ZBTB44: variants seen among roughly 807,000 people sequenced by gnomAD.
The protein encoded by ZBTB44 is zinc finger and BTB domain containing 44, also known as zinc finger and BTB domain-containing protein 44.
In ZBTB44, 15 loss-of-function variants were observed where a neutral mutation model predicts 54.0. The observed-to-expected ratio is 0.28, with a 90% CI of 0.19 to 0.43. ZBTB44 has a LOEUF of 0.43. Among genes scored for constraint, ZBTB44 ranks in the 20% least tolerant of loss-of-function variants. The pLI is 1.00. For synonymous variants in ZBTB44, 230 were observed against 250.1 expected, an observed-to-expected ratio of 0.92 and a Z score of 0.76; for missense variants, 487 against 707.1, an observed-to-expected ratio of 0.69 and a Z score of 3.53.
Position 130,229,050 on chromosome 11 carries a change from G to A in ZBTB44, c.*2714C>T, listed in dbSNP as rs544970323. The A allele has an allele frequency of 5.3e-5, 8 of 152,094 alleles. No individual in the cohort carries two copies. The highest frequency in any genetic ancestry group is 1.2e-4 in the African/African-American group (5 of 41,476). 9.4% of individuals were successfully genotyped at this position (152,094 alleles called of 1,614,324 possible). A position where few individuals can be genotyped will look rare whatever the true frequency, so the allele number is the denominator to read the frequency against. On this transcript the variant is annotated 3_prime_UTR_variant, in exon 8 of 8. Transcript: ENST00000357899. The stretch of plus-strand genomic sequence containing the variant: ...AGAAACCTTGGTATTAGCTGAAGCC[G>A]GCCTGGGTCTTGCACAGTGGGGGTT...
intron 1 of ZBTB44, among the ~76,000 whole-genome samples, chr11:130,297,914 TA>T: frequency 6.6e-6 from 1 of 151,824 alleles, no homozygotes; most frequent in Non-Finnish European, 1.5e-5. Context: ...CATTCTCAAA[TA>T]TATGTTTTTT....
rs750040414 is a variant in ZBTB44, at chr11:130,239,815, T to C, written c.1100A>G (p.Asp367Gly). Residue 367 changes from aspartate (D) to glycine (G), a missense_variant, in exon 3 of 8, where the codon GAT becomes GGT. Asp to Gly is a moderately conservative substitution (Grantham distance 94). Transcript: ENST00000357899. ...GAAATGCTATGTTAGTACTGACCGA[T>C]CATCATCATCCGGAGGAGCATTAGT... Reference protein sequence around the residue: ...SSTNAPPDDDDRLENVQYPYQ... With the variant: ...SSTNAPPDDDGRLENVQYPYQ... 65 of 1,609,792 alleles carry C rather than the reference T, an allele frequency of 4.0e-5. No homozygotes were observed. The highest frequency in any genetic ancestry group is 5.4e-5 in the Non-Finnish European group (63 of 1,177,146).
chr11:130,313,507 T>C (rs1278363881), intron 1 of ZBTB44, among the ~76,000 whole-genome samples: 1 of 152,186 alleles, frequency 6.6e-6, no homozygotes, highest in African/African-American at 2.4e-5. Context: ...AATGAAGATT[T>C]ATACAGTATT....
intron 2 of ZBTB44, 75 bp from the exon 3 acceptor site, chr11:130,239,971 A>G (rs1304234352): frequency 2.4e-5 from 24 of 1,009,354 alleles, no homozygotes; most frequent in Non-Finnish European, 3.3e-5. Flanking sequence ...AAGCTATATT[A>G]TATCTAAGCC....
At chr11:130,298,779 A>G (rs1191244524) in intron 1 of ZBTB44, among the ~76,000 whole-genome samples, 1 of 151,924 alleles carries the variant, frequency 6.6e-6, no homozygotes, top group African/African-American at 2.4e-5. Flanking sequence ...GAAGATTTTA[A>G]TATCACCTCT....
intron 2 of ZBTB44, among the ~76,000 whole-genome samples, chr11:130,252,665 TG>T (rs1174314624): frequency 1.3e-5 from 2 of 152,142 alleles, no homozygotes. Context: ...CCATTCCTTC[TG>T]AAACTATTCC....
At chr11:130,290,184 T>G (rs1426713344) in intron 1 of ZBTB44, among the ~76,000 whole-genome samples, 1 of 151,936 alleles carries the variant, frequency 6.6e-6, no homozygotes. Flanking sequence ...GAAGAGGAGG[T>G]GGTGTAGCAA....
intron 2 of ZBTB44, among the ~76,000 whole-genome samples, chr11:130,252,110 A>G (rs1288040855): frequency 6.6e-6 from 1 of 152,186 alleles, no homozygotes; most frequent in Non-Finnish European, 1.5e-5. Context: ...AAAAAAAAGA[A>G]GCAGGGGCTG....
At chr11:130,253,811 T>C (rs1947916300) in intron 2 of ZBTB44, among the ~76,000 whole-genome samples, 1 of 152,176 alleles carries the variant, frequency 6.6e-6, no homozygotes, top group South Asian at 2.1e-4. Context: ...ACTACCTGAC[T>C]TCAAGCTATA....
At chr11:130,272,426 T>A (rs564628139) in intron 1 of ZBTB44, among the ~76,000 whole-genome samples, 1 of 152,222 alleles carries the variant, frequency 6.6e-6, no homozygotes, top group African/African-American at 2.4e-5. Flanking sequence ...CCTTGTCCAT[T>A]TGGAGCTCTG....
chr11:130,275,998 G>A (rs1055161517), intron 1 of ZBTB44, among the ~76,000 whole-genome samples: 1 of 151,076 alleles, frequency 6.6e-6, no homozygotes, highest in Non-Finnish European at 1.5e-5. Context: ...AGGCCAAAGC[G>A]GGTGATCACC....
At chr11:130,312,766 C>A (rs746564401) in intron 1 of ZBTB44, among the ~76,000 whole-genome samples, 3 of 152,128 alleles carry the variant, frequency 2.0e-5, no homozygotes, top group African/African-American at 7.2e-5. Flanking sequence ...GGGGCAGAAC[C>A]CTCAAAGACA....
chr11:130,271,186 TATAA>T lies in ZBTB44; in HGVS notation c.-56-9261_-56-9258del, dbSNP rs368818081. Among the ~76,000 whole-genome samples the T allele has an allele frequency of 1.3e-3, 202 of 152,344 alleles. 1 individual carries two copies. Among genetic ancestry groups the T allele is most frequent in the African/African-American group, 4.6e-3 (192 of 41,580 alleles). The stretch of plus-strand genomic sequence containing the variant: ...ATATAAAATGCCTATATCTATTCAT[TATAA>T]ATAGTTAAAGGAAAAAGTTGCAATT... On this transcript the variant is annotated intron_variant, in intron 1 of 7. Coordinates refer to ENST00000357899, the MANE Select transcript of ZBTB44 (RefSeq NM_001301098.2).
intron 2 of ZBTB44, among the ~76,000 whole-genome samples, chr11:130,240,183 G>A (rs961782746): frequency 2.6e-5 from 4 of 151,634 alleles, no homozygotes; most frequent in Admixed American, 2.0e-4. Context: ...CTGGGACTAC[G>A]GGCGCCCGAC....
At position 130,261,564 on chromosome 11, in the gene ZBTB44, C is replaced by T; in HGVS notation, c.310G>A (p.Val104Ile). 1 of 1,614,006 alleles carries T rather than the reference C, an allele frequency of 6.2e-7. No homozygotes were observed. The change falls in exon 2 of 8, where the codon GTT becomes ATT. Residue 104 changes from valine to isoleucine, a missense_variant. Val to Ile is a conservative substitution (Grantham distance 29). Around this residue, in one of 3 missense-constraint regions of ZBTB44, gnomAD observed 90 missense variants for 160.3 expected, o/e 0.56. Transcript: ENST00000357899. This position sits in a 1 kb window ranked among gnomAD's most constrained non-coding sequence, Gnocchi z 4.8. ...TGCATATAGCTGGCTGCTGCTAGAA[C>T]ATCAATAATATTTTCTGTGTTAATT... ...LSINTENIID[V>I]LAAASYMQMF... is the part of the protein sequence containing the mutation.
chr11:130,242,191 C>A (rs200869484), intron 2 of ZBTB44, among the ~76,000 whole-genome samples: 11 of 140,568 alleles, frequency 7.8e-5, no homozygotes, highest in Non-Finnish European at 1.7e-4. Context: ...TTTCCTATTT[C>A]TTTGTATTGG....
At chr11:130,262,181 C>A (rs942979947) in intron 1 of ZBTB44, among the ~76,000 whole-genome samples, 1 of 152,006 alleles carries the variant, frequency 6.6e-6, no homozygotes, top group Non-Finnish European at 1.5e-5. Context: ...GCTCTGTTGC[C>A]CAGGCTGGAG....
intron 1 of ZBTB44, chr11:130,285,921 T>C (rs528287980): frequency 6.5e-6 from 1 of 152,716 alleles, no homozygotes; most frequent in East Asian, 1.9e-4. Context: ...CCTACAAGTA[T>C]TCTTTCTAGT....
chr11:130,292,089 C>T (rs144787944), intron 1 of ZBTB44, among the ~76,000 whole-genome samples: 8 of 152,158 alleles, frequency 5.3e-5, no homozygotes, highest in South Asian at 2.1e-4. Context: ...TGCTGTTGAG[C>T]GTAAGGATTT....
Sources: gnomAD v4.1 joint callset for allele counts (sites outside exome capture counted in the v4.1 genomes callset) on GRCh38, gnomAD v4.1.1 for gene constraint, gnomAD v4.1.1 regional missense constraint, Gnocchi (gnomAD v3.1) non-coding constraint, MANE v1.5 for transcripts, NCBI Gene and HGNC (gene_info 2026-07-23, HGNC 2026-07-21) for gene names.